CADPS: variants seen among roughly 807,000 people sequenced by gnomAD.
The protein encoded by CADPS is calcium-dependent secretion activator 1.
A neutral mutation model predicts 167.3 loss-of-function variants in CADPS; 57 were observed. The ratio of observed to expected loss-of-function variants is 0.34; its 90% confidence interval spans 0.28 to 0.42. The LOEUF is 0.42. CADPS is among the 20% of genes least tolerant of loss of function. The probability of loss-of-function intolerance (pLI) is 1.00; values close to 1 mark genes in which losing one functional copy is unlikely to be tolerated. For missense variants in CADPS, 1,414 were observed against 1,738.1 expected, an observed-to-expected ratio of 0.81 and a Z score of 3.32; for synonymous variants, 676 against 635.3, an observed-to-expected ratio of 1.06 and a Z score of -0.96.
chr3:62,424,532 G>A (rs2052217362), intron 28 of CADPS, among the ~76,000 whole-genome samples: 1 of 152,166 alleles, frequency 6.6e-6, no homozygotes, highest in East Asian at 1.9e-4. Context: ...GACACCTGGG[G>A]TTAAGTAGTG....
chr3:62,817,002 G>T (rs1253692326), intron 1 of CADPS, among the ~76,000 whole-genome samples: 1 of 152,090 alleles, frequency 6.6e-6, no homozygotes, highest in African/African-American at 2.4e-5. Flanking sequence ...AACCTAGGAG[G>T]AATCAGATAA....
chr3:62,765,742 C>T, intron 2 of CADPS, 129 bp downstream of exon 2: 1 of 551,332 alleles, frequency 1.8e-6, no homozygotes, highest in Non-Finnish European at 3.3e-6. Context: ...AACGAATCAC[C>T]AACCCATTTG....
At chr3:62,437,562 C>T (rs904113524) in intron 28 of CADPS, among the ~76,000 whole-genome samples, 4 of 152,062 alleles carry the variant, frequency 2.6e-5, no homozygotes, top group African/African-American at 9.7e-5. Context: ...TTTAAAGCTG[C>T]AACTGACTGA....
At chr3:62,400,596 T>TC (rs1705594442) in intron 29 of CADPS, among the ~76,000 whole-genome samples, 1 of 84,540 alleles carries the variant, frequency 1.2e-5, no homozygotes, top group African/African-American at 3.9e-5. Flanking sequence ...TTTCTTTTTT[T>TC]TTTTCTTTTT....
In CADPS at chr3:62,478,472, AAACT is replaced by A; in HGVS notation, c.3174-60_3174-57del. Reference sequence around the variant, plus strand: ...CACCCACTGGCCTCAGGCTCTACAAAAACTAACACAGAGACAACTGGGGGCTAGA... The same window carrying A: ...CACCCACTGGCCTCAGGCTCTACAAAAACACAGAGACAACTGGGGGCTAGA... On this transcript the variant is annotated intron_variant, in intron 22 of 29. Transcript: ENST00000383710. The surrounding 1 kb of genome is among the most constrained non-coding windows in gnomAD (Gnocchi z 5.7). The A allele has an allele frequency of 1.3e-6, 2 of 1,529,128 alleles. No individual in the cohort carries two copies. The highest frequency in any genetic ancestry group is 1.9e-5 in the Admixed American group (1 of 51,638). The allele number at this position is 1,529,128 out of a possible 1,614,324, so 94.7% of individuals were successfully genotyped here.
chr3:62,723,352 T>C (rs1038638539), intron 3 of CADPS, among the ~76,000 whole-genome samples: 4 of 152,148 alleles, frequency 2.6e-5, no homozygotes, highest in Admixed American at 1.3e-4. Flanking sequence ...TCTAAAGCTT[T>C]TCCAGTTCAG....
chr3:62,835,055 C>T (rs1008594338), intron 1 of CADPS, among the ~76,000 whole-genome samples: 1 of 152,078 alleles, frequency 6.6e-6, no homozygotes, highest in Admixed American at 6.6e-5. Flanking sequence ...AGAAAACAGA[C>T]TTTAATATAA....
chr3:62,581,797 T>C (rs1290969163), intron 8 of CADPS, among the ~76,000 whole-genome samples: 3 of 152,166 alleles, frequency 2.0e-5, no homozygotes, highest in African/African-American at 7.2e-5. Context: ...GGGAGAATGA[T>C]AATACCTAAT....
chr3:62,498,500 A>T (rs1490900290), intron 18 of CADPS, among the ~76,000 whole-genome samples: 1 of 152,100 alleles, frequency 6.6e-6, no homozygotes, highest in Admixed American at 6.5e-5. Context: ...TTTTTTTGGA[A>T]GTGTTAGGTT....
chr3:62,825,553 G>A (rs971082795), intron 1 of CADPS, among the ~76,000 whole-genome samples: 8 of 152,238 alleles, frequency 5.3e-5, no homozygotes, highest in Admixed American at 5.2e-4. Context: ...TTATGGAGTA[G>A]GCACTGTTAT....
rs2054296419 is a variant in CADPS, at chr3:62,433,101, C to T, written c.3777+5003G>A. On this transcript the variant is annotated intron_variant, in intron 28 of 29. Coordinates refer to ENST00000383710, the MANE Select transcript of CADPS (RefSeq NM_003716.4). The surrounding 1 kb of genome is among the most constrained non-coding windows in gnomAD (Gnocchi z 4.7). ...CCTATTATTTGGTACTTTCATCCTC[C>T]AGCAGGATGATTCCTACTTTGATTG... 6.6e-6 allele frequency among the ~76,000 whole-genome samples: 1 copy of T among 152,090 alleles called. No individual in the cohort carries two copies. The highest frequency in any genetic ancestry group is 6.6e-5 in the Admixed American group (1 of 15,260).
chr3:62,645,125 C>T (rs1331833374), intron 6 of CADPS, among the ~76,000 whole-genome samples: 1 of 152,118 alleles, frequency 6.6e-6, no homozygotes, highest in Non-Finnish European at 1.5e-5. Flanking sequence ...CATATGTTCT[C>T]ACTAATAAGT....
At chr3:62,692,276 A>C (rs761669916) in intron 3 of CADPS, among the ~76,000 whole-genome samples, 1 of 128,472 alleles carries the variant, frequency 7.8e-6, no homozygotes, top group Non-Finnish European at 1.6e-5. Flanking sequence ...CCTGCATTTT[A>C]ACCCCACTTC....
At chr3:62,872,596 C>T (rs2082829291) in intron 1 of CADPS, among the ~76,000 whole-genome samples, 2 of 152,160 alleles carry the variant, frequency 1.3e-5, no homozygotes, top group Non-Finnish European at 2.9e-5. Context: ...ATGCAAACAG[C>T]ATGCCCCTCA....
rs146510296 is a variant in CADPS, at chr3:62,710,024, C to T, written c.888+43417G>A. ...TCAAGTGATCTGCCCACCTCGGCCT[C>T]CCAAATTGCTGGGATTACAGGCATG... On this transcript the variant is annotated intron_variant, in intron 3 of 29. Coordinates refer to ENST00000383710, the MANE Select transcript of CADPS (RefSeq NM_003716.4). 4.9e-3 allele frequency among the ~76,000 whole-genome samples: 740 copies of T among 152,212 alleles called. 9 individuals are homozygous for T. The highest frequency in any genetic ancestry group is 4.0e-3 in the Non-Finnish European group (272 of 68,016).
chr3:62,868,539 A>G (rs1236581683), intron 1 of CADPS, among the ~76,000 whole-genome samples: 3 of 152,234 alleles, frequency 2.0e-5, no homozygotes, highest in East Asian at 3.9e-4. Flanking sequence ...ATAGTTTTAA[A>G]TGTTGAGAAC....
intron 1 of CADPS, among the ~76,000 whole-genome samples, chr3:62,802,954 C>T (rs765751865): frequency 6.6e-6 from 1 of 152,140 alleles, no homozygotes; most frequent in Non-Finnish European, 1.5e-5. Flanking sequence ...CACTAGTTTT[C>T]AGACTTAGAA....
At chr3:62,640,852 G>C (rs1220992304) in intron 6 of CADPS, among the ~76,000 whole-genome samples, 1 of 152,068 alleles carries the variant, frequency 6.6e-6, no homozygotes, top group Non-Finnish European at 1.5e-5. Context: ...TTATTACAGA[G>C]GACAACTTAC....
At chr3:62,771,038 A>C (rs2088572683) in intron 1 of CADPS, among the ~76,000 whole-genome samples, 1 of 152,178 alleles carries the variant, frequency 6.6e-6, no homozygotes, top group Admixed American at 6.5e-5. Context: ...GATGCATATT[A>C]GGGCCTTCTT....
Sources: gnomAD v4.1 joint callset for allele counts (sites outside exome capture counted in the v4.1 genomes callset) on GRCh38, gnomAD v4.1.1 for gene constraint, Gnocchi (gnomAD v3.1) non-coding constraint, MANE v1.5 for transcripts, NCBI Gene and HGNC (gene_info 2026-07-23, HGNC 2026-07-21) for gene names.